The following ZNF91 variants were observed in gnomAD, a reference collection of about 807,000 sequenced individuals.
ZNF91 encodes the protein zinc finger protein 91 (HPF7, HTF10).
ZNF91 carries 7 observed loss-of-function variants against 12.6 expected under a neutral mutation model. The ratio of observed to expected loss-of-function variants is 0.55; its 90% confidence interval spans 0.31 to 1.04. The LOEUF is 1.04. Ranked by LOEUF, ZNF91 falls within the 50% of genes least tolerant of loss-of-function variation. ZNF91 has a pLI of 0.05. For missense variants in ZNF91, 1,217 were observed against 1,385.4 expected, an observed-to-expected ratio of 0.88 and a Z score of 1.93; for synonymous variants, 453 against 462.6, an observed-to-expected ratio of 0.98 and a Z score of 0.27.
Position 23,359,555 on chromosome 19 carries a change from C to A in ZNF91, c.3424G>T (p.Ala1142Ser), listed in dbSNP as rs754567974. Residue 1142 changes from alanine (A) to serine (S), a missense_variant, in exon 4 of 4, where the codon GCC (alanine) becomes TCC (serine). Transcript: ENST00000300619. Reference protein sequence around the residue: ...KPYKCEKCGKAFNQSSILTNH... With the variant: ...KPYKCEKCGKSFNQSSILTNH... ...GTAAGGATTGAAGACTGGTTAAAGG[C>A]TTTGCCACATTTTTCACATTTGTAG... 4 of 1,613,844 alleles carry A rather than the reference C, an allele frequency of 2.5e-6. No individual in the cohort carries two copies.
At chr19:23,379,625 TTATATTCAATGACAAAA>T (rs1382733833) in intron 1 of ZNF91, among the ~76,000 whole-genome samples, 2 of 152,198 alleles carry the variant, frequency 1.3e-5, no homozygotes, top group Non-Finnish European at 2.9e-5. Context: ...TGCTAATTGG[TTATATTCAATGACAAAA>T]TAAGCTTTTC....
At chr19:23,362,915 C>A (rs1343978673) in intron 3 of ZNF91, among the ~76,000 whole-genome samples, 190 bp from the exon 4 acceptor site, 1 of 152,088 alleles carries the variant, frequency 6.6e-6, no homozygotes, top group Non-Finnish European at 1.5e-5. Flanking sequence ...GCTCTGTCAC[C>A]CAGGCTGGAG....
At chr19:23,351,855 C>T (rs1346590179) in intron 3 of ZNF91, among the ~76,000 whole-genome samples, 1 of 152,160 alleles carries the variant, frequency 6.6e-6, no homozygotes, top group Admixed American at 6.5e-5. Flanking sequence ...CACACACCCC[C>T]ATACAGGGTG....
chr19:23,311,803 C>T (rs1275595170), upstream of ZNF91, among the ~76,000 whole-genome samples: 4 of 151,194 alleles, frequency 2.6e-5, no homozygotes, highest in South Asian at 2.1e-4. Flanking sequence ...ACCTAGGTGA[C>T]GTGACTCTCC....
Position 23,350,470 on chromosome 19 carries a change from C to T in ZNF91, c.254-11416G>A, listed in dbSNP as rs556518743. 2.5e-3 allele frequency among the ~76,000 whole-genome samples: 382 copies of T among 152,254 alleles called. 2 individuals carry two copies. Among genetic ancestry groups the T allele is most frequent in the African/African-American group, 8.7e-3 (362 of 41,544 alleles). ...AGACCATGCTCCTGCTACAATGACA[C>T]GATGGATACCAACCCGTCTCTCAAG... On this transcript the variant is annotated intron_variant, in intron 3 of 3. Coordinates refer to the ZNF91 transcript ENST00000599743.
chr19:23,353,179 C>T (rs903791849), downstream of ZNF91, among the ~76,000 whole-genome samples: 1 of 152,154 alleles, frequency 6.6e-6, no homozygotes, highest in Non-Finnish European at 1.5e-5. Flanking sequence ...GTGCATGGAA[C>T]TTTCTCCAAG....
At chr19:23,331,983 G>A (rs1172620877) in intron 1 of ZNF91, among the ~76,000 whole-genome samples, 1 of 152,162 alleles carries the variant, frequency 6.6e-6, no homozygotes, top group Non-Finnish European at 1.5e-5. Context: ...GTCCTAACCA[G>A]AAACTATGAC....
At chr19:23,363,966 G>A (rs185034118) in intron 3 of ZNF91, among the ~76,000 whole-genome samples, 2 of 152,122 alleles carry the variant, frequency 1.3e-5, no homozygotes, top group Admixed American at 6.5e-5. Flanking sequence ...ACATATATAA[G>A]CACAATTTCA....
At chr19:23,327,803 T>C (rs1967864203) in intron 1 of ZNF91, 1 of 152,224 alleles carries the variant, frequency 6.6e-6, no homozygotes, top group Admixed American at 6.5e-5. Flanking sequence ...TTTGGTTGGT[T>C]AAATCTATAT....
At chr19:23,317,108 C>T (rs1462233717) in intron 1 of ZNF91, among the ~76,000 whole-genome samples, 2 of 151,710 alleles carry the variant, frequency 1.3e-5, no homozygotes, top group African/African-American at 2.4e-5. Flanking sequence ...TGCAGTGGCG[C>T]GATCTTGGCT....
At chr19:23,324,087 CCTT>C (rs371896215) in intron 1 of ZNF91, 117 of 151,388 alleles carry the variant, frequency 7.7e-4, no homozygotes, top group Non-Finnish European at 1.4e-3. Flanking sequence ...TCCTCCTCCT[CCTT>C]CTCTTCCTTT....
chr19:23,363,852 G>T (rs1373232458), intron 3 of ZNF91, among the ~76,000 whole-genome samples: 7 of 151,990 alleles, frequency 4.6e-5, no homozygotes. Context: ...AGAAATTGTG[G>T]AGGTAAAAAT....
rs574137503 is a variant in ZNF91 at position 23,309,324 on chromosome 19, C to T, written n.17-227G>A. On this transcript the variant is annotated intron_variant and non_coding_transcript_variant, in intron 1 of 3. Transcript: ENST00000593292. ...TAATAGATGTGACTCTCTTCCTCTG[C>T]GTTCATGCTGCTTATAGAAAAGATT... is the stretch of plus-strand genomic sequence containing the variant. Among the ~76,000 whole-genome samples, 45 of 152,256 alleles carry T rather than the reference C, an allele frequency of 3.0e-4. No individual in the cohort carries two copies. In the South Asian group the frequency reaches 8.5e-3, roughly 29 times the overall value.
intron 2 of ZNF91, 83 bp from the exon 3 acceptor site, chr19:23,373,920 TAATAG>T: frequency 1.3e-6 from 1 of 791,716 alleles, no homozygotes; most frequent in Non-Finnish European, 1.9e-6. Flanking sequence ...AAAGAGCATA[TAATAG>T]AATATTCTAA....
At chr19:23,317,296 C>T (rs1387428050) in intron 1 of ZNF91, among the ~76,000 whole-genome samples, 2 of 152,122 alleles carry the variant, frequency 1.3e-5, no homozygotes, top group Non-Finnish European at 2.9e-5. Context: ...GATCTGCCCG[C>T]CTCGGCCTCC....
intron 1 of ZNF91, among the ~76,000 whole-genome samples, chr19:23,383,096 C>A (rs1969772998): frequency 6.6e-6 from 1 of 152,136 alleles, no homozygotes; most frequent in African/African-American, 2.4e-5. Flanking sequence ...AAATCTTCAA[C>A]AAAATCATGA....
At chr19:23,378,411 C>A (rs1210092263) in intron 1 of ZNF91, among the ~76,000 whole-genome samples, 1 of 152,124 alleles carries the variant, frequency 6.6e-6, no homozygotes, top group African/African-American at 2.4e-5. Flanking sequence ...CTTTATGCCA[C>A]TGGGGAGTAT....
chr19:23,361,532 T>A lies in ZNF91; in HGVS notation c.1447A>T (p.Ile483Leu), dbSNP rs1360842411. ...TTGTAGGGCTTCTCTCCAGTGTGTA[T>A]CCTCTTATGTCTAGTTAGGGTTGAA... ...WSSTLTRHKR[I>L]HTGEKPYKCE... The change falls in exon 4 of 4, where the codon ATA becomes TTA. Residue 483 changes from isoleucine to leucine, a missense_variant. Ile to Leu is a conservative substitution (Grantham distance 5). Coordinates refer to ENST00000300619, the MANE Select transcript of ZNF91 (RefSeq NM_003430.4). 1.3e-5 allele frequency: 21 copies of A among 1,613,744 alleles called. No individual in the cohort carries two copies. Among genetic ancestry groups the A allele is most frequent in the Non-Finnish European group, 1.8e-5 (21 of 1,179,884 alleles).
intron 1 of ZNF91, among the ~76,000 whole-genome samples, chr19:23,385,667 T>A (rs1210974896): frequency 6.6e-6 from 1 of 152,148 alleles, no homozygotes; most frequent in African/African-American, 2.4e-5. Context: ...CACTCCAACA[T>A]TTTCTGAGCA....
Sources: allele counts gnomAD v4.1 joint callset (sites outside exome capture counted in the v4.1 genomes callset), GRCh38; gene constraint gnomAD v4.1.1; transcripts MANE v1.5; gene names NCBI Gene and HGNC (gene_info 2026-07-23, HGNC 2026-07-21).